The following FAM120C variants were observed in gnomAD, a reference collection of about 807,000 sequenced individuals.
FAM120C encodes family with sequence similarity 120 member C.
Under a neutral mutation model 71.2 loss-of-function variants are expected in FAM120C, and 14 were observed. The observed-to-expected ratio is 0.20, with a 90% CI of 0.13 to 0.31. FAM120C has a LOEUF of 0.31. FAM120C is among the 10% of genes least tolerant of loss of function. The pLI, the probability that FAM120C is intolerant of heterozygous loss-of-function variation, is 1.00. For synonymous variants in FAM120C, 354 were observed against 353.2 expected, an observed-to-expected ratio of 1.00 and a Z score of -0.03; for missense variants, 500 against 879.0, an observed-to-expected ratio of 0.57 and a Z score of 5.45.
intron 1 of FAM120C, among the ~76,000 whole-genome samples, chrX:54,169,736 T>A (rs2067278011): frequency 8.9e-6 from 1 of 112,104 alleles, no homozygotes; most frequent in Admixed American, 9.5e-5. Context: ...GGATGGATTA[T>A]GTATAAGTCT....
chrX:54,112,353 G>T (rs781905480), intron 10 of FAM120C, among the ~76,000 whole-genome samples: 1 of 110,157 alleles, frequency 9.1e-6, no homozygotes, highest in South Asian at 3.9e-4. Flanking sequence ...AAAGGCAGAG[G>T]TTGTCGTAAG....
rs60166177 is a variant in FAM120C at position 54,068,789 on chromosome X, C to CAGAACAGAACAGAATAGAAT, written c.*4243_*4244insATTCTATTCTGTTCTGTTCT. On this transcript the variant is annotated 3_prime_UTR_variant, in exon 16 of 16. Coordinates refer to ENST00000375180, the MANE Select transcript of FAM120C (RefSeq NM_017848.6). ...AAAAACAGAATAGAACAGAATAGAACAGAATAGAATAGAATAGAATAGAAT... is the reference window on the plus strand; with the variant it reads ...AAAAACAGAATAGAACAGAATAGAACAGAACAGAACAGAATAGAATAGAATAGAATAGAATAGAATAGAAT... 9 of 103,233 alleles carry CAGAACAGAACAGAATAGAAT rather than the reference C, an allele frequency of 8.7e-5. No individual in the cohort carries two copies. Among genetic ancestry groups the CAGAACAGAACAGAATAGAAT allele is most frequent in the African/African-American group, 3.2e-4 (8 of 25,146 alleles). 8.5% of individuals were successfully genotyped at this position (103,233 alleles called of 1,213,427 possible).
At chrX:54,106,558 T>C (rs1382068088) in intron 10 of FAM120C, among the ~76,000 whole-genome samples, 1 of 111,254 alleles carries the variant, frequency 9.0e-6, no homozygotes, top group Non-Finnish European at 1.9e-5. Flanking sequence ...AATAGACAAA[T>C]GGGATCTAAT....
intron 4 of FAM120C, among the ~76,000 whole-genome samples, chrX:54,146,836 C>T (rs951313721): frequency 8.9e-6 from 1 of 112,003 alleles, no homozygotes; most frequent in Non-Finnish European, 1.9e-5. Context: ...CCCACACAAA[C>T]ATGGCCAATT....
intron 1 of FAM120C, among the ~76,000 whole-genome samples, chrX:54,162,745 A>C (rs782415817): frequency 2.7e-5 from 3 of 112,018 alleles, no homozygotes; most frequent in African/African-American, 9.7e-5. Context: ...TTAAGTACCT[A>C]CTATGTACCA....
chrX:54,089,932 C>T (rs2066815186), intron 11 of FAM120C, among the ~76,000 whole-genome samples: 2 of 109,504 alleles, frequency 1.8e-5, no homozygotes, highest in Admixed American at 2.0e-4. Context: ...GCACTCCAGC[C>T]TAGGCAGCAA....
chrX:54,110,240 G>A (rs1441774051), intron 10 of FAM120C, among the ~76,000 whole-genome samples: 2 of 108,209 alleles, frequency 1.8e-5, no homozygotes, highest in South Asian at 4.1e-4. Flanking sequence ...TGCCCATCTC[G>A]GCCTCCCTAA....
intron 10 of FAM120C, among the ~76,000 whole-genome samples, chrX:54,097,767 C>T (rs1486091575): frequency 1.8e-5 from 2 of 111,311 alleles, no homozygotes; most frequent in Admixed American, 9.7e-5. Context: ...CGCTCTGTCA[C>T]CCAGGCTGGA....
At chrX:54,100,443 G>A (rs1012484943) in intron 10 of FAM120C, among the ~76,000 whole-genome samples, 1 of 111,009 alleles carries the variant, frequency 9.0e-6, no homozygotes, top group African/African-American at 3.3e-5. Context: ...CAGTGAGCCG[G>A]GATTGTGCAA....
intron 4 of FAM120C, among the ~76,000 whole-genome samples, chrX:54,148,691 A>G (rs1158596381): frequency 2.7e-5 from 3 of 111,617 alleles, no homozygotes; most frequent in Admixed American, 9.6e-5. Flanking sequence ...GAAACATAAA[A>G]CTATGACGAG....
At chrX:54,092,514 T>C (rs1363968222) in intron 10 of FAM120C, among the ~76,000 whole-genome samples, 2 of 109,909 alleles carry the variant, frequency 1.8e-5, no homozygotes, top group African/African-American at 6.6e-5. Context: ...CACAGCACTC[T>C]AGCCTGGGCG....
chrX:54,085,995 C>T lies in FAM120C; in HGVS notation c.2638-79G>A, dbSNP rs181955061. 140 of 851,221 alleles carry T rather than the reference C, an allele frequency of 1.6e-4. No individual in the cohort carries two copies. The African/African-American group carries it at 2.4e-3, about 14-fold the overall frequency. 70.2% of individuals were successfully genotyped at this position (851,221 alleles called of 1,213,427 possible). ...TGTTTTAGGCCCAGGATGGAGCACT[C>T]TAGGTACAGTCTCACAATTCTATTC... On this transcript the variant is annotated intron_variant, in intron 12 of 15. Coordinates refer to ENST00000375180, the MANE Select transcript of FAM120C (RefSeq NM_017848.6).
At chrX:54,142,450 G>A in intron 4 of FAM120C, among the ~76,000 whole-genome samples, 1 of 112,332 alleles carries the variant, frequency 8.9e-6, no homozygotes, top group Non-Finnish European at 1.9e-5. Context: ...GGCTCGGAGG[G>A]TCCTACACAC....
Position 54,081,318 on chromosome X carries a change from A to G in FAM120C, c.2978+4T>C, listed in dbSNP as rs369428402. The G allele has an allele frequency of 1.6e-4, 194 of 1,205,352 alleles. No homozygotes were observed. Among genetic ancestry groups the G allele is most frequent in the Non-Finnish European group, 2.0e-4 (177 of 893,136 alleles). ...AGCTCATATCAACCTATTTGGGTAC[A>G]TACCCCTTTCCTGGCCCACCGACAG... On this transcript the variant is annotated splice_donor_region_variant and intron_variant, in intron 14 of 15. Transcript: ENST00000375180.
intron 10 of FAM120C, among the ~76,000 whole-genome samples, chrX:54,100,424 C>T (rs781966064): frequency 2.7e-5 from 3 of 111,457 alleles, no homozygotes; most frequent in East Asian, 2.8e-4. Flanking sequence ...ACCGGGGAGG[C>T]GGAGCTTGCA....
At chrX:54,161,211 G>T (rs1293535747) in intron 1 of FAM120C, among the ~76,000 whole-genome samples, 1 of 111,959 alleles carries the variant, frequency 8.9e-6, no homozygotes, top group Non-Finnish European at 1.9e-5. Flanking sequence ...GTCATTGGTT[G>T]AGCATCCATT....
At chrX:54,128,152 C>G (rs1391697061) in intron 9 of FAM120C, among the ~76,000 whole-genome samples, 1 of 110,895 alleles carries the variant, frequency 9.0e-6, no homozygotes, top group Non-Finnish European at 1.9e-5. Context: ...GCCTCAGCCC[C>G]GCTTCCCTTC....
chrX:54,074,580 G>A (rs1474336264), intron 15 of FAM120C, among the ~76,000 whole-genome samples: 1 of 111,977 alleles, frequency 8.9e-6, no homozygotes, highest in African/African-American at 3.2e-5. Context: ...CACCATGCCC[G>A]GCTAATTTTG....
Position 54,133,826 on chromosome X carries a change from G to T in FAM120C, c.1837C>A (p.His613Asn). 1 of 1,211,265 alleles carries T rather than the reference G, an allele frequency of 8.3e-7. No homozygotes were observed. Among genetic ancestry groups the T allele is most frequent in the Non-Finnish European group, 1.1e-6 (1 of 895,069 alleles). ...VAPEVLRVAE[H>N]RHRRGLMYPY... ...TACATAAGACCCCTCCGGTGTCTGT[G>T]TTCAGCAACTCTCAAGACTTCTGGA... Residue 613 changes from histidine to asparagine, a missense_variant, in exon 8 of 16, where the codon CAC becomes AAC. By Grantham distance (68) the His-to-Asn change is moderately conservative. Coordinates refer to ENST00000375180, the MANE Select transcript of FAM120C (RefSeq NM_017848.6).
Sources: allele counts gnomAD v4.1 joint callset (sites outside exome capture counted in the v4.1 genomes callset), GRCh38; gene constraint gnomAD v4.1.1; transcripts MANE v1.5; gene names NCBI Gene and HGNC (gene_info 2026-07-23, HGNC 2026-07-21).